The following PIGL variants were observed in gnomAD, a reference collection of about 807,000 sequenced individuals.
The protein encoded by PIGL is phosphatidylinositol glycan anchor biosynthesis class L.
Under a neutral mutation model 31.1 loss-of-function variants are expected in PIGL, and 22 were observed. The ratio of observed to expected loss-of-function variants is 0.71; its 90% confidence interval spans 0.51 to 1.01. The LOEUF (loss-of-function observed/expected upper bound fraction) is 1.01, where lower values mean the gene tolerates loss of function less well. Among genes scored for constraint, PIGL ranks in the 50% least tolerant of loss-of-function variants. The pLI is 0.00. For synonymous variants in PIGL, 131 were observed against 117.4 expected (o/e 1.12, Z -0.75); for missense variants, 302 against 315.9 (o/e 0.96, Z 0.33).
chr17:16,313,691 C>T, intron 4 of PIGL, 77 bp downstream of exon 4: 2 of 1,160,334 alleles, frequency 1.7e-6, no homozygotes, highest in Non-Finnish European at 2.6e-6. Flanking sequence ...GTCTAAAGCA[C>T]TTTCCCACTT....
chr17:16,266,762 A>T (rs1356384687), intron 2 of PIGL, among the ~76,000 whole-genome samples: 1 of 151,122 alleles, frequency 6.6e-6, no homozygotes, highest in Non-Finnish European at 1.5e-5. Context: ...TGCCCAGCTA[A>T]TTTTTTTTGT....
At chr17:16,291,734 G>A (rs1251423511) in intron 2 of PIGL, among the ~76,000 whole-genome samples, 1 of 151,384 alleles carries the variant, frequency 6.6e-6, no homozygotes, top group African/African-American at 2.4e-5. Flanking sequence ...GCATGATGGC[G>A]GGTGCCTGTA....
intron 2 of PIGL, among the ~76,000 whole-genome samples, chr17:16,261,988 C>T (rs2092821028): frequency 6.6e-6 from 1 of 151,082 alleles, no homozygotes; most frequent in African/African-American, 2.4e-5. Flanking sequence ...TTTGGGAGGC[C>T]AAGGCCGGCA....
chr17:16,287,765 A>C (rs1309533205), intron 2 of PIGL, among the ~76,000 whole-genome samples: 1 of 151,948 alleles, frequency 6.6e-6, no homozygotes, highest in South Asian at 2.1e-4. Context: ...GCCCAAAAAA[A>C]CTCTTGTGTT....
chr17:16,286,975 C>T (rs2092940780), intron 2 of PIGL, among the ~76,000 whole-genome samples: 1 of 152,248 alleles, frequency 6.6e-6, no homozygotes, highest in Non-Finnish European at 1.5e-5. Context: ...GGGACCATGA[C>T]TTGTATTCAT....
chr17:16,269,215 A>T (rs998370746), intron 2 of PIGL, among the ~76,000 whole-genome samples: 2 of 152,244 alleles, frequency 1.3e-5, no homozygotes, highest in African/African-American at 4.8e-5. Context: ...ACATAGGGCC[A>T]TGTGGTCTGT....
At chr17:16,291,757 C>T (rs1027209709) in intron 2 of PIGL, among the ~76,000 whole-genome samples, 11 of 150,956 alleles carry the variant, frequency 7.3e-5, no homozygotes, top group Non-Finnish European at 1.3e-4. Flanking sequence ...CCCAGCTACT[C>T]GGGAGGCTGA....
chr17:16,236,717 G>A (rs932110358), intron 2 of PIGL, among the ~76,000 whole-genome samples: 2 of 151,370 alleles, frequency 1.3e-5, no homozygotes, highest in Non-Finnish European at 2.9e-5. Flanking sequence ...ACAGGTACAC[G>A]CCACCATGCC....
chr17:16,267,521 C>A (rs2092849861), intron 2 of PIGL, among the ~76,000 whole-genome samples: 5 of 151,890 alleles, frequency 3.3e-5, no homozygotes, highest in Admixed American at 3.3e-4. Context: ...TGTCGGGGTT[C>A]TTTAGCCATT....
chr17:16,309,870 G>T (rs1273653002), intron 3 of PIGL, among the ~76,000 whole-genome samples: 1 of 152,118 alleles, frequency 6.6e-6, no homozygotes, highest in Admixed American at 6.6e-5. Context: ...CTTTAGTCAG[G>T]AGTTTGAGAC....
intron 2 of PIGL, among the ~76,000 whole-genome samples, chr17:16,238,008 C>A (rs147083411): frequency 0.021 from 3,257 of 151,696 alleles, 81 homozygotes; most frequent in East Asian, 0.05. Context: ...CCAGCCTGGC[C>A]AACATGGTGA....
chr17:16,318,011 A>G, intron 6 of PIGL, 103 bp downstream of exon 6: 1 of 946,824 alleles, frequency 1.1e-6, no homozygotes, highest in Admixed American at 1.8e-5. Flanking sequence ...AAGGTTTTTC[A>G]CAGTGGTTCA....
At chr17:16,322,829 T>C (rs2093111661) in intron 6 of PIGL, among the ~76,000 whole-genome samples, 1 of 152,210 alleles carries the variant, frequency 6.6e-6, no homozygotes. Flanking sequence ...TTTTTGTGTA[T>C]ATTTAATGCC....
At chr17:16,292,356 T>C (rs2092964676) in intron 2 of PIGL, among the ~76,000 whole-genome samples, 1 of 151,614 alleles carries the variant, frequency 6.6e-6, no homozygotes, top group African/African-American at 2.4e-5. Context: ...TACTTATTAG[T>C]TTTTCGTTTC....
intron 2 of PIGL, among the ~76,000 whole-genome samples, chr17:16,291,141 A>T (rs1431443594): frequency 5.9e-5 from 9 of 152,222 alleles, no homozygotes; most frequent in Admixed American, 1.3e-4. Context: ...TCTCAGCCCC[A>T]TTAGTGCTTG....
chr17:16,302,172 C>T (rs2093007581), intron 3 of PIGL, among the ~76,000 whole-genome samples: 1 of 152,152 alleles, frequency 6.6e-6, no homozygotes, highest in Admixed American at 6.5e-5. Context: ...CCTACCACGA[C>T]TCATCTCCAT....
intron 2 of PIGL, among the ~76,000 whole-genome samples, chr17:16,261,363 A>G (rs1395046048): frequency 1.3e-5 from 2 of 152,208 alleles, no homozygotes; most frequent in Non-Finnish European, 2.9e-5. Flanking sequence ...GGATCCTGTG[A>G]CAATTTATTG....
At position 16,294,423 on chromosome 17, in the gene PIGL, C is replaced by T. The variant is rs79752915; in HGVS notation, c.336-5465C>T. Among the ~76,000 whole-genome samples, 855 of 152,278 alleles carry T rather than the reference C, an allele frequency of 5.6e-3. 13 individuals are homozygous for T. The highest frequency in any genetic ancestry group is 0.019 in the African/African-American group (789 of 41,562). ...GTCTCCCTTCCCTGAGCCTTGAATC[C>T]TGCTTGCCCTGTGGTGCCCCCATGT... On this transcript the variant is annotated intron_variant, in intron 2 of 6. Coordinates refer to ENST00000225609, the MANE Select transcript of PIGL (RefSeq NM_004278.4).
chr17:16,321,839 C>T (rs993282763), intron 6 of PIGL, among the ~76,000 whole-genome samples: 1 of 151,480 alleles, frequency 6.6e-6, no homozygotes, highest in Non-Finnish European at 1.5e-5. Flanking sequence ...GGCTGGAGTA[C>T]AATGGTGCAA....
Sources: allele counts gnomAD v4.1 joint callset (sites outside exome capture counted in the v4.1 genomes callset), GRCh38; gene constraint gnomAD v4.1.1; transcripts MANE v1.5; gene names NCBI Gene and HGNC (gene_info 2026-07-23, HGNC 2026-07-21).